Variants in EGFLAM observed in about 807,000 individuals in gnomAD.
EGFLAM encodes the protein pikachurin.
Under a neutral mutation model 113.1 loss-of-function variants are expected in EGFLAM, and 79 were observed. The ratio of observed to expected loss-of-function variants is 0.70; its 90% confidence interval spans 0.58 to 0.84. The LOEUF (loss-of-function observed/expected upper bound fraction) is 0.84, where lower values mean the gene tolerates loss of function less well. Ranked by LOEUF, EGFLAM falls within the 40% of genes least tolerant of loss-of-function variation. The pLI, the probability that EGFLAM is intolerant of heterozygous loss-of-function variation, is 0.00. For synonymous variants in EGFLAM, 504 were observed against 487.6 expected (o/e 1.03, Z -0.44); for missense variants, 1,265 against 1,291.6 (o/e 0.98, Z 0.32).
At chr5:38,360,650 TG>T (rs1739895635) in intron 5 of EGFLAM, among the ~76,000 whole-genome samples, 1 of 152,044 alleles carries the variant, frequency 6.6e-6, no homozygotes, top group Admixed American at 6.6e-5. Flanking sequence ...ACTTGCTTCA[TG>T]GGGTTATTAT....
intron 1 of EGFLAM, among the ~76,000 whole-genome samples, chr5:38,311,355 C>T (rs1738440894): frequency 6.6e-6 from 1 of 152,104 alleles, no homozygotes; most frequent in Non-Finnish European, 1.5e-5. Flanking sequence ...CTCCCCAGTC[C>T]CCCAGCCCCT....
At chr5:38,430,395 G>T (rs1370140026) in intron 14 of EGFLAM, among the ~76,000 whole-genome samples, 1 of 152,144 alleles carries the variant, frequency 6.6e-6, no homozygotes, top group African/African-American at 2.4e-5. Context: ...CAGGCTCATT[G>T]TAAGGAATAA....
intron 1 of EGFLAM, among the ~76,000 whole-genome samples, chr5:38,328,723 G>GTTTTTTTTTTTTTTTTTTTTTTTTTTT (rs3077265): frequency 9.7e-6 from 1 of 103,026 alleles, no homozygotes; most frequent in Non-Finnish European, 1.9e-5. Context: ...AGCTATACTT[G>GTTTTTTTTTTTTTTTTTTTTTTTTTTT]TTTTTTTTTT....
At chr5:38,343,599 GA>G (rs1477711749) in intron 3 of EGFLAM, among the ~76,000 whole-genome samples, 43 of 152,084 alleles carry the variant, frequency 2.8e-4, no homozygotes, top group Admixed American at 2.6e-3. Context: ...CAAAACTCTG[GA>G]AAATAACTTC....
chr5:38,350,699 A>C, intron 4 of EGFLAM, 81 bp downstream of exon 4: 1 of 1,321,604 alleles, frequency 7.6e-7, no homozygotes. Flanking sequence ...ATAGGGACTT[A>C]CTATGTGCCA....
Position 38,275,914 on chromosome 5 carries a change from A to G in EGFLAM, c.97+17063A>G, listed in dbSNP as rs73073423. 3.3e-3 allele frequency among the ~76,000 whole-genome samples: 506 copies of G among 152,316 alleles called. 6 individuals are homozygous for G. The highest frequency in any genetic ancestry group is 0.012 in the African/African-American group (492 of 41,562). ...AAAACTAGACATAAATAACAGGAGG[A>G]ACATTGGGAAAATCGCAAATACATG... On this transcript the variant is annotated intron_variant, in intron 1 of 21. Transcript: ENST00000322350.
intron 16 of EGFLAM, among the ~76,000 whole-genome samples, chr5:38,436,464 A>G (rs537397000): frequency 1.3e-5 from 2 of 152,216 alleles, no homozygotes; most frequent in South Asian, 4.2e-4. Flanking sequence ...GGCCCAGTCA[A>G]CATTTGCTGA....
chr5:38,458,192 A>G (rs1347442520), intron 19 of EGFLAM, 119 bp from the exon 20 acceptor site: 3 of 816,910 alleles, frequency 3.7e-6, no homozygotes, highest in Non-Finnish European at 5.6e-6. Context: ...GTTTTTTGTT[A>G]AGGAAACTGC....
At chr5:38,292,655 A>C (rs541487567) in intron 1 of EGFLAM, among the ~76,000 whole-genome samples, 1 of 152,356 alleles carries the variant, frequency 6.6e-6, no homozygotes, top group South Asian at 2.1e-4. Context: ...GAGGCAATTT[A>C]AGTATACTAT....
intron 20 of EGFLAM, 94 bp downstream of exon 20, chr5:38,458,488 A>G: frequency 7.9e-7 from 1 of 1,264,558 alleles, no homozygotes; most frequent in Middle Eastern, 2.2e-4. Flanking sequence ...CCTGTTCCCC[A>G]ACTTTGCCTG....
intron 3 of EGFLAM, among the ~76,000 whole-genome samples, chr5:38,339,095 GTTTT>G (rs1180798925): frequency 6.6e-6 from 1 of 151,664 alleles, no homozygotes; most frequent in Non-Finnish European, 1.5e-5. Context: ...GTTCAGTTCT[GTTTT>G]TTTTAATCCC....
At chr5:38,423,679 G>A (rs1226263353) in intron 12 of EGFLAM, among the ~76,000 whole-genome samples, 1 of 152,100 alleles carries the variant, frequency 6.6e-6, no homozygotes, top group Non-Finnish European at 1.5e-5. Flanking sequence ...ACATTCTTAG[G>A]GCTGTGGCTG....
chr5:38,388,223 A>G (rs753706807), intron 6 of EGFLAM, among the ~76,000 whole-genome samples: 11 of 152,260 alleles, frequency 7.2e-5, no homozygotes, highest in Admixed American at 6.5e-5. Context: ...AGACGTGATT[A>G]TATCAAGACT....
chr5:38,461,826 TC>T, intron 20 of EGFLAM, among the ~76,000 whole-genome samples: 1 of 152,122 alleles, frequency 6.6e-6, no homozygotes, highest in East Asian at 1.9e-4. Flanking sequence ...ACCTCCCTCT[TC>T]CTGTCGTCAG....
chr5:38,389,210 T>C (rs193211190), intron 6 of EGFLAM, among the ~76,000 whole-genome samples: 2 of 152,276 alleles, frequency 1.3e-5, no homozygotes, highest in East Asian at 3.9e-4. Context: ...CTTAGAAAAT[T>C]AGAAGCATTG....
chr5:38,430,367 A>C (rs1245007001), intron 14 of EGFLAM, among the ~76,000 whole-genome samples: 1 of 152,152 alleles, frequency 6.6e-6, no homozygotes, highest in Non-Finnish European at 1.5e-5. Context: ...ATTTCACCAG[A>C]CTCACTGAAC....
At chr5:38,354,464 C>A (rs1464453772) in intron 5 of EGFLAM, among the ~76,000 whole-genome samples, 2 of 152,200 alleles carry the variant, frequency 1.3e-5, no homozygotes, top group African/African-American at 2.4e-5. Flanking sequence ...CGCGGTGGCT[C>A]ACGCCTGTAA....
intron 19 of EGFLAM, among the ~76,000 whole-genome samples, chr5:38,456,343 T>C (rs1040248086): frequency 6.6e-6 from 1 of 152,164 alleles, no homozygotes; most frequent in African/African-American, 2.4e-5. Flanking sequence ...GTGTCCGTGC[T>C]CTTTCTATCA....
intron 5 of EGFLAM, among the ~76,000 whole-genome samples, chr5:38,369,564 G>A (rs572019247): frequency 1.3e-5 from 2 of 152,246 alleles, no homozygotes; most frequent in African/African-American, 4.8e-5. Context: ...AATCTTTATG[G>A]CAGTCCTCTT....
Sources: gnomAD v4.1 joint callset for allele counts (sites outside exome capture counted in the v4.1 genomes callset) on GRCh38, gnomAD v4.1.1 for gene constraint, MANE v1.5 for transcripts, NCBI Gene and HGNC (gene_info 2026-07-23, HGNC 2026-07-21) for gene names.